KRT80: variants seen among roughly 807,000 people sequenced by gnomAD.
KRT80 encodes the protein keratin, type II cytoskeletal 80.
KRT80 carries 36 observed loss-of-function variants against 51.5 expected under a neutral mutation model. The ratio of observed to expected loss-of-function variants is 0.70; its 90% CI spans 0.54 to 0.92. KRT80 has a LOEUF of 0.92. Ranked by LOEUF, KRT80 falls within the 40% of genes least tolerant of loss-of-function variation. The pLI, the probability that KRT80 is intolerant of heterozygous loss-of-function variation, is 0.00. For synonymous variants in KRT80, 235 were observed against 248.3 expected (o/e 0.95, Z 0.50); for missense variants, 566 against 591.7 (o/e 0.96, Z 0.45).
Position 52,191,945 on chromosome 12 carries a change from A to G in KRT80, c.-43T>C, listed in dbSNP as rs1355370937. 9 of 1,431,260 alleles carry G rather than the reference A, an allele frequency of 6.3e-6. No homozygotes were observed. The East Asian group carries it at 2.3e-4, about 36-fold the overall frequency. The allele number at this position is 1,431,260 out of a possible 1,614,324, so 88.7% of individuals were successfully genotyped here. Reference sequence around the variant, plus strand: ...GCAGGAGGGCCCAGGGGGGTGAGCGAGTGAGCCTGGGGTTGCGTCGGGTGG... The same window carrying G: ...GCAGGAGGGCCCAGGGGGGTGAGCGGGTGAGCCTGGGGTTGCGTCGGGTGG... On this transcript the variant is annotated 5_prime_UTR_variant, in exon 1 of 9. Coordinates refer to ENST00000394815, the MANE Select transcript of KRT80 (RefSeq NM_182507.3).
chr12:52,185,419 G>C lies in KRT80; in HGVS notation c.469C>G (p.Leu157Val), dbSNP rs545030270. 3 of 1,614,056 alleles carry C rather than the reference G, an allele frequency of 1.9e-6. No homozygotes were observed. The highest frequency in any genetic ancestry group is 2.5e-6 in the Non-Finnish European group (3 of 1,180,022). The change falls in exon 2 of 9, where the codon CTG (leucine) becomes GTG (valine). Residue 157 changes from leucine to valine, a missense_variant. Leu to Val is a conservative substitution (Grantham distance 32). Transcript: ENST00000394815. ...SQERGQLEAN[L>V]LQVLEKVEEF... ...TCAACCTTCTCCAGCACCTGCAGCA[G>C]GTTGGCCTCCAGCTGCCCCCGCTCC...
At chr12:52,184,603 C>T (rs536714883) in intron 2 of KRT80, among the ~76,000 whole-genome samples, 1 of 152,328 alleles carries the variant, frequency 6.6e-6, no homozygotes, top group African/African-American at 2.4e-5. Context: ...ATAATCATTC[C>T]CGTTTCACAC....
rs1339275389 is a variant in KRT80, at chr12:52,171,211, G to A, written c.*187C>T. On this transcript the variant is annotated 3_prime_UTR_variant, in exon 9 of 9. Transcript: ENST00000394815. ...TGATATGGAGCGGAGTGGCTCTGAGGAGCTGGTGATGCTCCTCTCCCACCC... is the reference window on the plus strand; with the variant it reads ...TGATATGGAGCGGAGTGGCTCTGAGAAGCTGGTGATGCTCCTCTCCCACCC... The A allele has an allele frequency of 1.6e-6, 1 of 611,256 alleles. No individual in the cohort carries two copies. The highest frequency in any genetic ancestry group is 2.9e-6 in the Non-Finnish European group (1 of 349,932). The allele number at this position is 611,256 out of a possible 1,614,324, so 37.9% of individuals were successfully genotyped here. A position where few individuals can be genotyped will look rare whatever the true frequency, so the allele number is the denominator to read the frequency against.
In KRT80 at chr12:52,191,614, G is replaced by T. The variant is rs1054250040; in HGVS notation, c.289C>A (p.Leu97Ile). Reference sequence around the variant, plus strand: ...CTACTTGTGCTCACCTTGCCAATTAGGGAGGCAAATTTATCATTGAGGGCC... The same window carrying T: ...CTACTTGTGCTCACCTTGCCAATTATGGAGGCAAATTTATCATTGAGGGCC... Reference protein sequence around the residue: ...MKALNDKFASLIGKVQALEQR... With the variant: ...MKALNDKFASIIGKVQALEQR... Residue 97 changes from leucine to isoleucine, a missense_variant, in exon 1 of 9, where the codon CTA (leucine) becomes ATA (isoleucine). Coordinates refer to ENST00000394815, the MANE Select transcript of KRT80 (RefSeq NM_182507.3). 2.5e-6 allele frequency: 4 copies of T among 1,589,736 alleles called. No individual in the cohort carries two copies. The highest frequency in any genetic ancestry group is 3.4e-6 in the Non-Finnish European group (4 of 1,164,042).
chr12:52,191,522 G>A lies in KRT80; in HGVS notation c.300+81C>T, dbSNP rs533032738. On this transcript the variant is annotated intron_variant, in intron 1 of 8. Transcript: ENST00000394815. Reference sequence around the variant, plus strand: ...GGTGCAGGGGTGGGGCGCGGTGATCGATGCTCAGGGAAACACAGAGCTCAG... The same window carrying A: ...GGTGCAGGGGTGGGGCGCGGTGATCAATGCTCAGGGAAACACAGAGCTCAG... 46 of 1,365,554 alleles carry A rather than the reference G, an allele frequency of 3.4e-5. 1 individual carries two copies. Among genetic ancestry groups the A allele is most frequent in the African/African-American group, 1.7e-4 (12 of 68,630 alleles). The allele number at this position is 1,365,554 out of a possible 1,614,324, so 84.6% of individuals were successfully genotyped here.
chr12:52,172,224 C>T lies in KRT80; in HGVS notation c.1152G>A (p.Arg384=), dbSNP rs145572448. Residue 384 remains arginine, a synonymous_variant, in exon 7 of 9, where the codon AGG becomes AGA. Coordinates refer to ENST00000394815, the MANE Select transcript of KRT80 (RefSeq NM_182507.3). ...LALDIEIATY[R]KLVEGEEGRM... is the part of the protein sequence containing the mutation. ...TGCCCTCCTCGCCCTCCACCAGCTT[C>T]CTGTAGGTGGCGATCTCGATGTCCA... is the stretch of plus-strand genomic sequence containing the variant. The T allele has an allele frequency of 2.4e-5, 38 of 1,613,920 alleles. No homozygotes were observed. In the African/African-American group the frequency reaches 3.9e-4, roughly 16 times the overall value.
chr12:52,185,667 C>T, intron 1 of KRT80, 80 bp from the exon 2 acceptor site: 7 of 1,550,346 alleles, frequency 4.5e-6, no homozygotes, highest in Non-Finnish European at 6.1e-6. Flanking sequence ...AGCAAGAGCC[C>T]ACGGAGGGCT....
chr12:52,178,393 C>A (rs1453911204), intron 4 of KRT80, among the ~76,000 whole-genome samples: 3 of 152,240 alleles, frequency 2.0e-5, no homozygotes, highest in African/African-American at 7.2e-5. Flanking sequence ...CCAGAGACTT[C>A]TTTCTTTTTC....
chr12:52,172,241 C>T lies in KRT80; in HGVS notation c.1135G>A (p.Glu379Lys). 1 of 1,614,068 alleles carries T rather than the reference C, an allele frequency of 6.2e-7. No individual in the cohort carries two copies. The highest frequency in any genetic ancestry group is 1.7e-5 in the Admixed American group (1 of 60,028). The change falls in exon 7 of 9, where the codon GAG (glutamate) becomes AAG (lysine). Residue 379 changes from glutamate to lysine, a missense_variant. Physicochemically the swap from Glu to Lys is moderately conservative, Grantham distance 56. Transcript: ENST00000394815. Reference sequence around the variant, plus strand: ...ACCAGCTTCCTGTAGGTGGCGATCTCGATGTCCAGGGCCAGCTTGACGTTC... The same window carrying T: ...ACCAGCTTCCTGTAGGTGGCGATCTTGATGTCCAGGGCCAGCTTGACGTTC... ...LMNVKLALDI[E>K]IATYRKLVEG...
intron 1 of KRT80, among the ~76,000 whole-genome samples, chr12:52,188,171 T>G (rs1941433582): frequency 6.6e-6 from 1 of 152,136 alleles, no homozygotes; most frequent in Non-Finnish European, 1.5e-5. Context: ...GGGCTCATAA[T>G]CCTGGTGCCC....
Position 52,173,568 on chromosome 12 carries a change from C to G in KRT80, c.831+32G>C, listed in dbSNP as rs577098240. On this transcript the variant is annotated intron_variant, in intron 5 of 8. Transcript: ENST00000394815. ...CCTGCCACCCAGAGAACTGTCCAGG[C>G]TGCTTCTCGTGCCCTGTGTGGTCAG... 444 of 1,606,704 alleles carry G rather than the reference C, an allele frequency of 2.8e-4. 3 individuals carry two copies. In the South Asian group the frequency reaches 4.6e-3, roughly 16 times the overall value.
chr12:52,172,266 C>T lies in KRT80; in HGVS notation c.1110G>A (p.Met370Ile). The change falls in exon 7 of 9, where the codon ATG becomes ATA. Residue 370 changes from methionine to isoleucine, a missense_variant. Transcript: ENST00000394815. ...ARQLRKYQEL[M>I]NVKLALDIEI... is the part of the protein sequence containing the mutation. ...CGATGTCCAGGGCCAGCTTGACGTT[C>T]ATCAGCTCCTGGTACTTGCGCAGCT... The T allele has an allele frequency of 6.2e-7, 1 of 1,613,980 alleles. No homozygotes were observed. Among genetic ancestry groups the T allele is most frequent in the Non-Finnish European group, 8.5e-7 (1 of 1,179,890 alleles).
chr12:52,178,880 A>G (rs1357674187), intron 4 of KRT80, among the ~76,000 whole-genome samples: 1 of 152,134 alleles, frequency 6.6e-6, no homozygotes, highest in African/African-American at 2.4e-5. Context: ...TAGTAAAAAA[A>G]AAAAACAAGG....
chr12:52,178,665 T>C (rs572921496), intron 4 of KRT80, among the ~76,000 whole-genome samples: 1 of 152,362 alleles, frequency 6.6e-6, no homozygotes, highest in South Asian at 2.1e-4. Context: ...AGCTAAGTCA[T>C]GCCCTCCTTG....
chr12:52,180,505 T>A lies in KRT80; in HGVS notation c.666+8A>T, dbSNP rs757891769. ...GGCTTGGCAAGACACTGGCCCCATC[T>A]CACTCACCTGCTCATAGATGGTTTT... On this transcript the variant is annotated splice_region_variant and intron_variant, in intron 4 of 8. Transcript: ENST00000394815. 8 of 1,433,058 alleles carry A rather than the reference T, an allele frequency of 5.6e-6. No homozygotes were observed. Among genetic ancestry groups the A allele is most frequent in the Non-Finnish European group, 7.3e-6 (8 of 1,090,708 alleles). The allele number at this position is 1,433,058 out of a possible 1,614,324, so 88.8% of individuals were successfully genotyped here.
At chr12:52,191,553 G>T (rs550540982) in intron 1 of KRT80, 50 bp downstream of exon 1, 4 of 1,503,758 alleles carry the variant, frequency 2.7e-6, no homozygotes, top group Middle Eastern at 3.6e-4. Context: ...CTCAGCTACC[G>T]GCCCAGGCCT....
chr12:52,171,314 G>A lies in KRT80; in HGVS notation c.*84C>T. ...AGGTTTTGCCTCTCTTCTCAACCTA[G>A]AGGCTCCAAGCTGCTTTCTTGAGTC... On this transcript the variant is annotated 3_prime_UTR_variant, in exon 9 of 9. Transcript: ENST00000394815. 1.4e-6 allele frequency: 2 copies of A among 1,384,230 alleles called. No individual in the cohort carries two copies. The highest frequency in any genetic ancestry group is 9.8e-7 in the Non-Finnish European group (1 of 1,016,056). The allele number at this position is 1,384,230 out of a possible 1,614,324, so 85.7% of individuals were successfully genotyped here.
chr12:52,178,312 G>T (rs966554402), intron 4 of KRT80, among the ~76,000 whole-genome samples: 3 of 152,210 alleles, frequency 2.0e-5, no homozygotes, highest in Admixed American at 6.5e-5. Context: ...TCAGAATGAG[G>T]TCCAAGTCGT....
At chr12:52,173,879 G>T in intron 4 of KRT80, 115 bp from the exon 5 acceptor site, 1 of 1,067,740 alleles carries the variant, frequency 9.4e-7, no homozygotes, top group Non-Finnish European at 1.3e-6. Flanking sequence ...CTCCCTTCCT[G>T]TCCCTCTGGA....
Sources: gnomAD v4.1 joint callset for allele counts (sites outside exome capture counted in the v4.1 genomes callset) on GRCh38, gnomAD v4.1.1 for gene constraint, MANE v1.5 for transcripts, NCBI Gene and HGNC (gene_info 2026-07-23, HGNC 2026-07-21) for gene names.